Variants in ENOX1 observed in about 807,000 individuals in gnomAD.
ENOX1 encodes ecto-NOX disulfide-thiol exchanger 1.
Under a neutral mutation model 82.5 loss-of-function variants are expected in ENOX1, and 42 were observed. The observed-to-expected ratio is 0.51, with a 90% CI of 0.40 to 0.66. The LOEUF (loss-of-function observed/expected upper bound fraction) is 0.66, where lower values mean the gene tolerates loss of function less well. Ranked by LOEUF, ENOX1 falls within the 30% of genes least tolerant of loss-of-function variation. The pLI is 0.00. For synonymous variants in ENOX1, 271 were observed against 282.2 expected (o/e 0.96, Z 0.40); for missense variants, 608 against 811.6 (o/e 0.75, Z 3.05).
At chr13:43,749,532 G>C (rs1050801518) in intron 1 of ENOX1, among the ~76,000 whole-genome samples, 1 of 152,208 alleles carries the variant, frequency 6.6e-6, no homozygotes, top group African/African-American at 2.4e-5. Context: ...GGTGACAACA[G>C]CAAGGACAAC....
intron 9 of ENOX1, 66 bp from the exon 10 acceptor site, chr13:43,326,591 G>A (rs1038860563): frequency 2.4e-6 from 3 of 1,249,322 alleles, no homozygotes; most frequent in Admixed American, 1.7e-5. Context: ...GGGAAGCAAA[G>A]CAAAGACACT....
intron 1 of ENOX1, among the ~76,000 whole-genome samples, chr13:43,683,833 G>A (rs2085921487): frequency 2.0e-5 from 3 of 152,100 alleles, no homozygotes; most frequent in South Asian, 4.2e-4. Flanking sequence ...CAGAATTCAA[G>A]TCTATAAATA....
chr13:43,569,772 C>T (rs373170697), intron 2 of ENOX1, among the ~76,000 whole-genome samples: 1 of 152,162 alleles, frequency 6.6e-6, no homozygotes, highest in Non-Finnish European at 1.5e-5. Context: ...CTTAACTACA[C>T]CACGATGTTT....
intron 2 of ENOX1, among the ~76,000 whole-genome samples, chr13:43,528,077 G>A (rs575049246): frequency 3.9e-5 from 6 of 152,042 alleles, no homozygotes; most frequent in Admixed American, 1.3e-4. Flanking sequence ...CTTGTATGTA[G>A]AAAAGACTCA....
At chr13:43,355,699 C>A (rs1023478988) in intron 8 of ENOX1, among the ~76,000 whole-genome samples, 2 of 152,178 alleles carry the variant, frequency 1.3e-5, no homozygotes, top group Admixed American at 1.3e-4. Context: ...CTGTCCCAGG[C>A]AGAAGATGAA....
chr13:43,392,941 C>A (rs953905728), intron 5 of ENOX1, among the ~76,000 whole-genome samples: 4 of 151,912 alleles, frequency 2.6e-5, no homozygotes, highest in Non-Finnish European at 4.4e-5. Context: ...TGTTCAGCCA[C>A]GAGAAATTGG....
At chr13:43,263,666 C>T (rs1473910153) in intron 14 of ENOX1, among the ~76,000 whole-genome samples, 1 of 152,258 alleles carries the variant, frequency 6.6e-6, no homozygotes, top group African/African-American at 2.4e-5. Context: ...AGTACTTCCA[C>T]ATACATTCTC....
chr13:43,383,851 A>G (rs2052234481), intron 5 of ENOX1, among the ~76,000 whole-genome samples: 1 of 152,118 alleles, frequency 6.6e-6, no homozygotes, highest in African/African-American at 2.4e-5. Flanking sequence ...TCTGGACACC[A>G]CCCTGCAGGT....
At chr13:43,215,751 G>A (rs959295631) in intron 16 of ENOX1, among the ~76,000 whole-genome samples, 4 of 152,020 alleles carry the variant, frequency 2.6e-5, no homozygotes, top group African/African-American at 4.8e-5. Flanking sequence ...TCTCAGTAGC[G>A]GTCACCTGGA....
At chr13:43,721,376 CTT>C (rs761888585) in intron 1 of ENOX1, among the ~76,000 whole-genome samples, 1 of 107,616 alleles carries the variant, frequency 9.3e-6, no homozygotes, top group Non-Finnish European at 1.7e-5. Flanking sequence ...TATTTTATAT[CTT>C]TTTTTTTTTT....
intron 5 of ENOX1, among the ~76,000 whole-genome samples, chr13:43,369,329 C>T (rs1331812667): frequency 6.6e-6 from 1 of 152,152 alleles, no homozygotes; most frequent in Non-Finnish European, 1.5e-5. Context: ...CAGGGTTATC[C>T]ACAGAAAGAG....
intron 2 of ENOX1, among the ~76,000 whole-genome samples, chr13:43,632,146 C>A (rs2083242990): frequency 6.6e-6 from 1 of 152,076 alleles, no homozygotes; most frequent in Admixed American, 6.5e-5. Flanking sequence ...CCTTTAAGTA[C>A]TGATTATATT....
intron 1 of ENOX1, among the ~76,000 whole-genome samples, chr13:43,710,218 A>T (rs2087597471): frequency 6.6e-6 from 1 of 152,140 alleles, no homozygotes; most frequent in African/African-American, 2.4e-5. Flanking sequence ...TAACAAAGAC[A>T]TCAGGATCAG....
intron 2 of ENOX1, among the ~76,000 whole-genome samples, chr13:43,575,832 G>C (rs2080397164): frequency 6.6e-6 from 1 of 152,194 alleles, no homozygotes; most frequent in Non-Finnish European, 1.5e-5. Flanking sequence ...CAAGTGGCCT[G>C]ACAGTCATGA....
At chr13:43,782,353 G>A (rs562186388) in intron 1 of ENOX1, among the ~76,000 whole-genome samples, 1 of 152,284 alleles carries the variant, frequency 6.6e-6, no homozygotes, top group South Asian at 2.1e-4. Context: ...TAGTGGATCT[G>A]AAACAAGTAC....
At chr13:43,291,885 A>G (rs2046019833) in intron 12 of ENOX1, among the ~76,000 whole-genome samples, 1 of 152,152 alleles carries the variant, frequency 6.6e-6, no homozygotes, top group Non-Finnish European at 1.5e-5. Flanking sequence ...CATTCAAGGG[A>G]TCCCCACATC....
chr13:43,280,709 G>A (rs988669991), intron 12 of ENOX1, among the ~76,000 whole-genome samples: 3 of 152,202 alleles, frequency 2.0e-5, no homozygotes, highest in African/African-American at 7.2e-5. Context: ...TAGAACTTTA[G>A]TGAAGTTAAT....
intron 16 of ENOX1, 145 bp from the exon 17 acceptor site, chr13:43,214,266 C>T: frequency 2.4e-6 from 2 of 828,996 alleles, no homozygotes; most frequent in East Asian, 2.7e-5. Flanking sequence ...ATAGAAGGAA[C>T]ATTCAGAAGT....
chr13:43,522,099 CCT>C (rs1447227537), intron 2 of ENOX1, among the ~76,000 whole-genome samples: 1 of 151,924 alleles, frequency 6.6e-6, no homozygotes, highest in African/African-American at 2.4e-5. Flanking sequence ...TTGGAGTGTG[CCT>C]CTCAGTCACA....
Sources: allele counts gnomAD v4.1 joint callset (sites outside exome capture counted in the v4.1 genomes callset), GRCh38; gene constraint gnomAD v4.1.1; transcripts MANE v1.5; gene names NCBI Gene and HGNC (gene_info 2026-07-23, HGNC 2026-07-21).